Variants in SASH1 observed in about 807,000 individuals in gnomAD.
The protein encoded by SASH1 is SAM and SH3 domain containing 1, also known as SAM and SH3 domain-containing protein 1.
A neutral mutation model predicts 125.2 loss-of-function variants in SASH1; 44 were observed. The ratio of observed to expected loss-of-function variants is 0.35; its 90% CI spans 0.28 to 0.45. The LOEUF (loss-of-function observed/expected upper bound fraction) is 0.45. Among genes scored for constraint, SASH1 ranks in the 20% least tolerant of loss-of-function variants. SASH1 has a pLI of 1.00. For synonymous variants in SASH1, 639 were observed against 649.1 expected (o/e 0.98, Z 0.24); for missense variants, 1,426 against 1,614.5 (o/e 0.88, Z 2.00).
intron 1 of SASH1, among the ~76,000 whole-genome samples, chr6:148,365,612 G>C (rs1401479964): frequency 6.6e-6 from 1 of 151,952 alleles, no homozygotes; most frequent in African/African-American, 2.4e-5. Flanking sequence ...TTGATGTCTT[G>C]CTCTCCCTTG....
chr6:148,326,383 T>A (rs1432223622), intron 1 of SASH1, among the ~76,000 whole-genome samples: 3 of 75,332 alleles, frequency 4.0e-5, no homozygotes, highest in South Asian at 5.7e-4. Context: ...TACATTCTTT[T>A]CTTTTCTTTT....
chr6:148,214,791 G>A, the SASH1 span, among the ~76,000 whole-genome samples: 3 of 152,166 alleles, frequency 2.0e-5, no homozygotes, highest in Admixed American at 6.5e-5. Flanking sequence ...TGCATGACAT[G>A]AGATTTCATG....
At chr6:148,446,142 T>A (rs1776772398) in intron 4 of SASH1, among the ~76,000 whole-genome samples, 1 of 124,252 alleles carries the variant, frequency 8.0e-6, no homozygotes. Context: ...GGAGCCTCAC[T>A]CTGTCGCCCA....
intron 1 of SASH1, among the ~76,000 whole-genome samples, chr6:148,319,059 G>T (rs1403106189): frequency 9.9e-6 from 1 of 100,630 alleles, no homozygotes; most frequent in Non-Finnish European, 2.0e-5. Context: ...TTGAGACGGA[G>T]TCTGGCTCTG....
intron 2 of SASH1, among the ~76,000 whole-genome samples, chr6:148,409,062 G>A (rs1784493233): frequency 6.6e-6 from 1 of 152,178 alleles, no homozygotes; most frequent in African/African-American, 2.4e-5. Context: ...GGTTCCCCAA[G>A]CTAAGTGGCT....
chr6:148,496,201 T>G (rs1779305008), intron 8 of SASH1, among the ~76,000 whole-genome samples: 1 of 152,220 alleles, frequency 6.6e-6, no homozygotes, highest in African/African-American at 2.4e-5. Context: ...ATAAGCGTTT[T>G]GCTTTTTAAT....
At chr6:148,244,431 C>T in the SASH1 span, among the ~76,000 whole-genome samples, 1 of 152,170 alleles carries the variant, frequency 6.6e-6, no homozygotes, top group Non-Finnish European at 1.5e-5. Context: ...ACTACATGCA[C>T]ATATTGATGG....
chr6:148,414,455 T>A (rs1784743001), intron 2 of SASH1, among the ~76,000 whole-genome samples: 1 of 152,178 alleles, frequency 6.6e-6, no homozygotes, highest in African/African-American at 2.4e-5. Flanking sequence ...ATTTAGTCTC[T>A]CTGAGCTTCA....
intron 2 of SASH1, among the ~76,000 whole-genome samples, chr6:148,411,964 G>T (rs1010117591): frequency 6.6e-6 from 1 of 152,202 alleles, no homozygotes; most frequent in South Asian, 2.1e-4. Flanking sequence ...TTTCACTCTT[G>T]ATAGATTTTT....
intron 9 of SASH1, among the ~76,000 whole-genome samples, chr6:148,518,565 T>C (rs1393379380): frequency 6.6e-6 from 1 of 152,192 alleles, no homozygotes; most frequent in Non-Finnish European, 1.5e-5. Context: ...CTGGTATATT[T>C]AGTGCCATCC....
intron 8 of SASH1, among the ~76,000 whole-genome samples, chr6:148,499,182 G>A (rs1779459029): frequency 6.6e-6 from 1 of 151,302 alleles, no homozygotes; most frequent in South Asian, 2.1e-4. Context: ...AAATCATTTG[G>A]AAAGCAATAT....
In SASH1 at chr6:148,544,273, C is replaced by A. The variant is rs777202918; in HGVS notation, c.2803C>A (p.Gln935Lys). The A allele has an allele frequency of 6.8e-6, 11 of 1,614,174 alleles. No homozygotes were observed. The highest frequency in any genetic ancestry group is 1.6e-4 in the Middle Eastern group (1 of 6,062). The change falls in exon 18 of 20, where the codon CAG (glutamine) becomes AAG (lysine). Residue 935 changes from glutamine to lysine, a missense_variant. Gln to Lys is a moderately conservative substitution (Grantham distance 53). Coordinates refer to ENST00000367467, the MANE Select transcript of SASH1 (RefSeq NM_015278.5). The surrounding 1 kb of genome is among the most constrained non-coding windows in gnomAD (Gnocchi z 6.4). ...GTGTTTGCCCAGAAACTATGATGCT[C>A]AGCCTCCTGGAGCTAAACACGGTTT... ...PQCLPRNYDA[Q>K]PPGAKHGLAR...
At chr6:148,481,302 G>A (rs1221753996) in intron 7 of SASH1, among the ~76,000 whole-genome samples, 3 of 152,054 alleles carry the variant, frequency 2.0e-5, no homozygotes, top group African/African-American at 7.2e-5. Context: ...GATCTTCTAC[G>A]CAGACCATTC....
the SASH1 span, among the ~76,000 whole-genome samples, chr6:148,229,354 T>C: frequency 6.6e-6 from 1 of 152,106 alleles, no homozygotes; most frequent in South Asian, 2.1e-4. Context: ...CTAATGCTGA[T>C]GCAAACTGTA....
At chr6:148,303,768 G>T (rs555793676) in intron 1 of SASH1, among the ~76,000 whole-genome samples, 1 of 149,820 alleles carries the variant, frequency 6.7e-6, no homozygotes, top group Admixed American at 6.7e-5. Flanking sequence ...GCACTCCAGC[G>T]ACTCTGTCTC....
chr6:148,499,991 C>T (rs560151981), intron 8 of SASH1, among the ~76,000 whole-genome samples: 35 of 152,206 alleles, frequency 2.3e-4, no homozygotes, highest in Admixed American at 2.1e-3. Flanking sequence ...AGAGAAGCAA[C>T]TATTAGGAAT....
At chr6:148,358,128 TAA>T (rs377748581) in intron 1 of SASH1, among the ~76,000 whole-genome samples, 2 of 148,322 alleles carry the variant, frequency 1.3e-5, no homozygotes, top group Admixed American at 6.8e-5. Flanking sequence ...GGTTTGGCTT[TAA>T]AAAAAAAATC....
the SASH1 span, among the ~76,000 whole-genome samples, chr6:148,213,258 T>A: frequency 3.3e-5 from 5 of 152,108 alleles, no homozygotes; most frequent in Non-Finnish European, 5.9e-5. Context: ...AGAAGAACCC[T>A]CTCTGTGGGA....
intron 2 of SASH1, among the ~76,000 whole-genome samples, chr6:148,417,742 A>G (rs1187672783): frequency 3.3e-5 from 5 of 152,166 alleles, no homozygotes; most frequent in Admixed American, 2.6e-4. Flanking sequence ...AAAACTGGAA[A>G]TAGGCAAAGT....
Sources: allele counts gnomAD v4.1 joint callset (sites outside exome capture counted in the v4.1 genomes callset), GRCh38; gene constraint gnomAD v4.1.1; non-coding constraint Gnocchi (gnomAD v3.1); transcripts MANE v1.5; gene names NCBI Gene and HGNC (gene_info 2026-07-23, HGNC 2026-07-21).